Variants in EDA observed in about 807,000 individuals in gnomAD.
The protein encoded by EDA is ectodysplasin A, also known as ectodysplasin-A.
EDA carries 2 observed loss-of-function variants against 23.6 expected under a neutral mutation model. The observed-to-expected ratio is 0.08, with a 90% confidence interval of 0.03 to 0.27. The LOEUF is 0.27. Among genes scored for constraint, EDA ranks in the 10% least tolerant of loss-of-function variants. The probability of loss-of-function intolerance (pLI) is 1.00; values close to 1 mark genes in which losing one functional copy is unlikely to be tolerated. For missense variants in EDA, 229 were observed against 324.2 expected (o/e 0.71, Z 2.26); for synonymous variants, 131 against 132.0 (o/e 0.99, Z 0.05).
At chrX:69,878,957 C>G (rs969581521) in intron 1 of EDA, among the ~76,000 whole-genome samples, 1 of 110,889 alleles carries the variant, frequency 9.0e-6, no homozygotes, top group Admixed American at 9.6e-5. Context: ...GGAACCCGGG[C>G]ACCCCACTTC....
At chrX:69,701,750 T>A (rs1045827399) in intron 1 of EDA, among the ~76,000 whole-genome samples, 1 of 110,535 alleles carries the variant, frequency 9.0e-6, no homozygotes, top group African/African-American at 3.3e-5. Context: ...GGACCCTGGG[T>A]GATTTATGAA....
intron 1 of EDA, among the ~76,000 whole-genome samples, chrX:69,788,145 G>A (rs1277572721): frequency 4.5e-5 from 5 of 111,368 alleles, no homozygotes; most frequent in African/African-American, 6.5e-5. Context: ...AGCTCCATCA[G>A]CTCCTTTAAG....
intron 1 of EDA, among the ~76,000 whole-genome samples, chrX:69,898,532 G>A (rs775738797): frequency 3.6e-5 from 4 of 110,318 alleles, no homozygotes; most frequent in South Asian, 3.9e-4. Context: ...GCAGTGAGCC[G>A]AGATCACACC....
chrX:69,638,743 A>G, intron 1 of EDA, among the ~76,000 whole-genome samples: 1 of 111,718 alleles, frequency 9.0e-6, no homozygotes, highest in Non-Finnish European at 1.9e-5. Context: ...GACCTGCTTT[A>G]TTGTTGTTTA....
intron 1 of EDA, among the ~76,000 whole-genome samples, chrX:69,898,508 G>A (rs1465300047): frequency 9.1e-6 from 1 of 109,731 alleles, no homozygotes; most frequent in Non-Finnish European, 1.9e-5. Context: ...CTTGAAACCC[G>A]GGAGGCGGAG....
chrX:69,904,293 T>C lies in EDA; in HGVS notation c.397-52734T>C, dbSNP rs147275248. On this transcript the variant is annotated intron_variant, in intron 1 of 7. Transcript: ENST00000374552. ...ATTGACCTATTGTACTACCAAACAC[T>C]AGATATTATTCCTTTTATTCAACTG... is the stretch of plus-strand genomic sequence containing the variant. 5.9e-3 allele frequency among the ~76,000 whole-genome samples: 666 copies of C among 112,010 alleles called. 11 individuals are homozygous for C. The highest frequency in any genetic ancestry group is 0.021 in the African/African-American group (638 of 30,847).
At chrX:69,987,489 G>A (rs1322011304) in intron 2 of EDA, among the ~76,000 whole-genome samples, 1 of 109,056 alleles carries the variant, frequency 9.2e-6, no homozygotes. Context: ...TGAAGAACAA[G>A]TGGTCAGCTC....
chrX:70,026,129 A>G (rs1401776396), intron 3 of EDA, among the ~76,000 whole-genome samples: 1 of 112,365 alleles, frequency 8.9e-6, no homozygotes. Context: ...ATTTAAAACT[A>G]AGAAACTACC....
chrX:69,693,608 G>A (rs1046114932), intron 1 of EDA, among the ~76,000 whole-genome samples: 2 of 110,854 alleles, frequency 1.8e-5, no homozygotes, highest in Non-Finnish European at 3.8e-5. Flanking sequence ...CAATTGATTC[G>A]GTTAATTTTG....
At chrX:69,937,924 G>A (rs2018698656) in intron 1 of EDA, 8 of 1,201,584 alleles carry the variant, frequency 6.7e-6, no homozygotes, top group Non-Finnish European at 9.0e-6. Context: ...TTATATTTTC[G>A]GATAACTTGA....
chrX:69,703,711 G>A (rs1396775043), intron 1 of EDA, among the ~76,000 whole-genome samples: 1 of 111,562 alleles, frequency 9.0e-6, no homozygotes, highest in Admixed American at 9.5e-5. Flanking sequence ...CTCTCTTCCT[G>A]CTTCTGCTAT....
intron 1 of EDA, among the ~76,000 whole-genome samples, chrX:69,753,983 T>G (rs1193532670): frequency 1.8e-5 from 2 of 110,904 alleles, no homozygotes; most frequent in African/African-American, 6.6e-5. Flanking sequence ...GTGAGATGGA[T>G]CTCCTGAATA....
intron 1 of EDA, among the ~76,000 whole-genome samples, chrX:69,771,900 G>A (rs918283925): frequency 1.8e-5 from 2 of 112,125 alleles, no homozygotes; most frequent in Non-Finnish European, 3.8e-5. Flanking sequence ...TTTCCGTGTT[G>A]CTACTTACTG....
intron 1 of EDA, among the ~76,000 whole-genome samples, chrX:69,624,751 A>T (rs1049647497): frequency 9.8e-6 from 1 of 102,206 alleles, no homozygotes; most frequent in African/African-American, 3.7e-5. Flanking sequence ...CTTAATTCCA[A>T]TTTTTGTTCT....
At chrX:69,794,170 T>C (rs1475351264) in intron 1 of EDA, among the ~76,000 whole-genome samples, 1 of 109,600 alleles carries the variant, frequency 9.1e-6, no homozygotes, top group Non-Finnish European at 1.9e-5. Flanking sequence ...AAAAACAGGG[T>C]ATATTCAAAG....
At chrX:70,009,706 C>A (rs774960321) in intron 2 of EDA, among the ~76,000 whole-genome samples, 44 of 111,619 alleles carry the variant, frequency 3.9e-4, no homozygotes, top group African/African-American at 1.4e-3. Flanking sequence ...CCTGCCTTAG[C>A]CTCCAGAGTA....
chrX:70,013,741 C>T (rs1212231489), intron 2 of EDA, among the ~76,000 whole-genome samples: 3 of 106,561 alleles, frequency 2.8e-5, no homozygotes, highest in Admixed American at 9.9e-5. Context: ...CTCCCAGAGA[C>T]GACTGAAAGC....
At chrX:69,732,780 A>G (rs1270991258) in intron 1 of EDA, among the ~76,000 whole-genome samples, 2 of 111,759 alleles carry the variant, frequency 1.8e-5, no homozygotes, top group East Asian at 5.6e-4. Context: ...TGACTTTTTA[A>G]TGATCGCCAT....
intron 2 of EDA, among the ~76,000 whole-genome samples, chrX:69,959,190 A>G (rs546820236): frequency 8.9e-6 from 1 of 111,744 alleles, no homozygotes; most frequent in East Asian, 2.8e-4. Context: ...CTTCTTATAT[A>G]CTTCCCTCCT....
Sources: gnomAD v4.1 joint callset for allele counts (sites outside exome capture counted in the v4.1 genomes callset) on GRCh38, gnomAD v4.1.1 for gene constraint, MANE v1.5 for transcripts, NCBI Gene and HGNC (gene_info 2026-07-23, HGNC 2026-07-21) for gene names.